The following DOCK4 variants were observed in gnomAD, a reference collection of about 807,000 sequenced individuals.
DOCK4 encodes dedicator of cytokinesis 4, also known as dedicator of cytokinesis protein 4.
A neutral mutation model predicts 268.1 loss-of-function variants in DOCK4; 97 were observed. That is an observed-to-expected ratio of 0.36 (90% CI 0.31 to 0.43). The LOEUF is 0.43. Ranked by LOEUF, DOCK4 falls within the 20% of genes least tolerant of loss-of-function variation. The probability of loss-of-function intolerance (pLI) is 1.00; values close to 1 mark genes in which losing one functional copy is unlikely to be tolerated. For missense variants in DOCK4, 2,145 were observed against 2,455.7 expected (o/e 0.87, Z 2.67); for synonymous variants, 954 against 887.2 (o/e 1.08, Z -1.34).
chr7:111,977,465 T>A (rs553821646), intron 7 of DOCK4, among the ~76,000 whole-genome samples, 182 bp from the exon 8 acceptor site: 95 of 152,334 alleles, frequency 6.2e-4, no homozygotes, highest in African/African-American at 2.0e-3. Flanking sequence ...ACTGTGGACA[T>A]AGAAATAGTC....
At chr7:111,769,097 A>G (rs1402236388) in intron 37 of DOCK4, among the ~76,000 whole-genome samples, 3 of 152,196 alleles carry the variant, frequency 2.0e-5, no homozygotes, top group Non-Finnish European at 4.4e-5. Flanking sequence ...TGAACTTCTC[A>G]GCCTTCAGAA....
At chr7:112,193,287 G>A (rs901048130) in intron 1 of DOCK4, among the ~76,000 whole-genome samples, 3 of 152,064 alleles carry the variant, frequency 2.0e-5, no homozygotes, top group Admixed American at 6.6e-5. Context: ...GTTACTAGTC[G>A]ATATCTACCA....
At chr7:111,952,822 T>A (rs1796155947) in intron 8 of DOCK4, among the ~76,000 whole-genome samples, 1 of 152,150 alleles carries the variant, frequency 6.6e-6, no homozygotes, top group Non-Finnish European at 1.5e-5. Flanking sequence ...ATTAAACTAA[T>A]TGGAAAAACA....
At chr7:111,930,586 C>T (rs1241608959) in intron 12 of DOCK4, among the ~76,000 whole-genome samples, 1 of 152,196 alleles carries the variant, frequency 6.6e-6, no homozygotes, top group Non-Finnish European at 1.5e-5. Flanking sequence ...CGTTTGACTG[C>T]ACTGCTTCCA....
intron 1 of DOCK4, among the ~76,000 whole-genome samples, chr7:112,036,656 C>CTTT (rs57264652): frequency 1.9e-5 from 2 of 106,268 alleles, no homozygotes; most frequent in Middle Eastern, 4.2e-3. Context: ...TAGAGGATTT[C>CTTT]TTTTTTTTTT....
At chr7:112,010,147 A>C (rs1040195089) in intron 1 of DOCK4, among the ~76,000 whole-genome samples, 10 of 152,158 alleles carry the variant, frequency 6.6e-5, no homozygotes, top group Non-Finnish European at 4.4e-5. Context: ...CAGGTACTTT[A>C]GTTCATGAAA....
intron 11 of DOCK4, among the ~76,000 whole-genome samples, chr7:111,937,692 A>G (rs1027942002): frequency 6.6e-5 from 10 of 152,256 alleles, no homozygotes; most frequent in Admixed American, 1.3e-4. Context: ...GCCACATAAC[A>G]GCAGCATCAT....
At chr7:112,153,812 A>G (rs1816330424) in intron 1 of DOCK4, among the ~76,000 whole-genome samples, 1 of 152,228 alleles carries the variant, frequency 6.6e-6, no homozygotes, top group Non-Finnish European at 1.5e-5. Context: ...CCAGTTATTG[A>G]ATAAGCAAGC....
intron 1 of DOCK4, among the ~76,000 whole-genome samples, chr7:112,153,134 C>T (rs1425241761): frequency 6.6e-6 from 1 of 152,122 alleles, no homozygotes; most frequent in Non-Finnish European, 1.5e-5. Flanking sequence ...GAATGTAGCA[C>T]AATAAATTCT....
At chr7:111,804,799 C>T (rs1800554739) in intron 30 of DOCK4, among the ~76,000 whole-genome samples, 1 of 151,970 alleles carries the variant, frequency 6.6e-6, no homozygotes, top group African/African-American at 2.4e-5. Context: ...GGGGTTTCGT[C>T]ATGTTTGCCA....
At chr7:111,860,618 G>A (rs542199099) in intron 23 of DOCK4, among the ~76,000 whole-genome samples, 17 of 152,118 alleles carry the variant, frequency 1.1e-4, no homozygotes, top group African/African-American at 2.7e-4. Context: ...CCTTTTCCAC[G>A]CCACCATATT....
At chr7:111,976,496 A>C (rs1798217726) in intron 8 of DOCK4, 1 of 151,498 alleles carries the variant, frequency 6.6e-6, no homozygotes, top group African/African-American at 2.4e-5. Flanking sequence ...AAATATTAAA[A>C]ATTTTAGACA....
intron 1 of DOCK4, 47 bp downstream of exon 1, chr7:112,206,055 C>G: frequency 4.5e-6 from 7 of 1,553,646 alleles, no homozygotes; most frequent in Non-Finnish European, 6.1e-6. Context: ...GAAATGCGCA[C>G]TCGCTCGGGC....
chr7:111,779,245 C>A (rs1405978801), intron 35 of DOCK4, among the ~76,000 whole-genome samples: 1 of 151,944 alleles, frequency 6.6e-6, no homozygotes, highest in Non-Finnish European at 1.5e-5. Context: ...ATGTCCAAAA[C>A]ATAAAGGGAC....
chr7:111,820,368 T>C (rs1361798027), intron 27 of DOCK4: 1 of 152,200 alleles, frequency 6.6e-6, no homozygotes, highest in Non-Finnish European at 1.5e-5. Context: ...TGGGTGGCAA[T>C]GGAATGAAGT....
At chr7:112,198,505 A>G (rs760273629) in intron 1 of DOCK4, among the ~76,000 whole-genome samples, 28 of 152,194 alleles carry the variant, frequency 1.8e-4, no homozygotes, top group Non-Finnish European at 2.4e-4. Context: ...TTTCCTAAAT[A>G]TCTCTCAGAT....
intron 1 of DOCK4, among the ~76,000 whole-genome samples, chr7:112,195,082 C>T (rs971243577): frequency 4.6e-5 from 7 of 152,146 alleles, no homozygotes; most frequent in Non-Finnish European, 8.8e-5. Flanking sequence ...AGTTCGAGAC[C>T]AGCCTGGTCA....
intron 1 of DOCK4, among the ~76,000 whole-genome samples, chr7:112,065,771 C>T (rs1037403988): frequency 6.6e-6 from 1 of 152,032 alleles, no homozygotes; most frequent in Admixed American, 6.6e-5. Flanking sequence ...ACTTTTGTGT[C>T]ATGACAGTTT....
intron 36 of DOCK4, among the ~76,000 whole-genome samples, chr7:111,775,989 C>CA (rs1470510844): frequency 2.6e-5 from 4 of 152,184 alleles, no homozygotes; most frequent in Non-Finnish European, 5.9e-5. Flanking sequence ...CATATGAAGT[C>CA]AGACTCATCT....
Sources: gnomAD v4.1 joint callset for allele counts (sites outside exome capture counted in the v4.1 genomes callset) on GRCh38, gnomAD v4.1.1 for gene constraint, MANE v1.5 for transcripts, NCBI Gene and HGNC (gene_info 2026-07-23, HGNC 2026-07-21) for gene names.